The following WDR59 variants were observed in gnomAD, a reference collection of about 807,000 sequenced individuals.
WDR59 encodes the protein WD repeat domain 59, also known as GATOR2 complex protein WDR59.
WDR59 carries 100 observed loss-of-function variants against 131.2 expected under a neutral mutation model. The ratio of observed to expected loss-of-function variants is 0.76; its 90% CI spans 0.65 to 0.90. The LOEUF (loss-of-function observed/expected upper bound fraction) is 0.90. Ranked by LOEUF, WDR59 falls within the 40% of genes least tolerant of loss-of-function variation. The pLI is 0.00. For synonymous variants in WDR59, 601 were observed against 466.2 expected (o/e 1.29, Z -3.72); for missense variants, 1,203 against 1,262.2 (o/e 0.95, Z 0.71).
At position 74,942,821 on chromosome 16, in the gene WDR59, C is replaced by T; in HGVS notation, c.451G>A (p.Ala151Thr). Reference protein sequence around the residue: ...PTVALSAVAGASQVKWNKKNA... With the variant: ...PTVALSAVAGTSQVKWNKKNA... The stretch of plus-strand genomic sequence containing the variant: ...TTTTTATTCCATTTGACCTGGGAGG[C>T]ACCCGCTGCAAAGAAAAATCAGGGA... The change falls in exon 7 of 26, where the codon GCC (alanine) becomes ACC (threonine). Residue 151 changes from alanine to threonine, a missense_variant. Physicochemically the swap from Ala to Thr is moderately conservative, Grantham distance 58. Coordinates refer to ENST00000262144, the MANE Select transcript of WDR59 (RefSeq NM_030581.4). 8 of 1,613,348 alleles carry T rather than the reference C, an allele frequency of 5.0e-6. No homozygotes were observed. The highest frequency in any genetic ancestry group is 5.9e-6 in the Non-Finnish European group (7 of 1,179,716).
intron 25 of WDR59, among the ~76,000 whole-genome samples, chr16:74,882,535 C>T (rs1327178252): frequency 1.3e-5 from 2 of 152,130 alleles, no homozygotes; most frequent in African/African-American, 4.8e-5. Flanking sequence ...TAGTTCGAGA[C>T]CAGCCTGGCC....
At chr16:74,901,651 TA>T (rs200878105) in intron 18 of WDR59, among the ~76,000 whole-genome samples, 836 of 135,628 alleles carry the variant, frequency 6.2e-3, no homozygotes, top group Middle Eastern at 0.011. Context: ...CCCCATCTCT[TA>T]AAAAAAAAAA....
chr16:74,897,397 C>T (rs1309793323), intron 18 of WDR59, among the ~76,000 whole-genome samples: 1 of 152,196 alleles, frequency 6.6e-6, no homozygotes, highest in East Asian at 1.9e-4. Context: ...GGGACTCTTC[C>T]CCCATTTGCA....
chr16:74,938,814 A>C (rs2032001623), intron 7 of WDR59, among the ~76,000 whole-genome samples: 1 of 151,978 alleles, frequency 6.6e-6, no homozygotes, highest in African/African-American at 2.4e-5. Flanking sequence ...TCTGGATTAC[A>C]GGCACGATCC....
At chr16:74,911,579 C>T (rs1430530106) in intron 14 of WDR59, among the ~76,000 whole-genome samples, 1 of 152,224 alleles carries the variant, frequency 6.6e-6, no homozygotes, top group Non-Finnish European at 1.5e-5. Context: ...ATCTCTGAAT[C>T]TGCAGAATTA....
intron 8 of WDR59, among the ~76,000 whole-genome samples, chr16:74,925,582 T>C (rs892028837): frequency 6.7e-6 from 1 of 148,696 alleles, no homozygotes; most frequent in African/African-American, 2.5e-5. Flanking sequence ...AAGACCAAAT[T>C]ATAGTGATGG....
chr16:74,985,019 T>A lies in WDR59; in HGVS notation c.-2A>T. On this transcript the variant is annotated 5_prime_UTR_variant, in exon 1 of 26. Transcript: ENST00000262144. ...TTCGCTGCTCCATCGCGCCGCCATC[T>A]CCCCCGCCCGGCCGCCGCGGCCCCA... 6.4e-7 allele frequency: 1 copy of A among 1,574,034 alleles called. No individual in the cohort carries two copies. Among genetic ancestry groups the A allele is most frequent in the Non-Finnish European group, 8.6e-7 (1 of 1,159,722 alleles).
Position 74,984,970 on chromosome 16 carries a change from G to A in WDR59, c.48C>T (p.Asp16=). The change falls in exon 1 of 26, where the codon GAC becomes GAT. Residue 16 remains aspartate, a synonymous_variant. Coordinates refer to ENST00000262144, the MANE Select transcript of WDR59 (RefSeq NM_030581.4). ...SSENVVVEFR[D]SQATAMSVDC... ...CACTCGGCCTCTAGCTCACCTGGGA[G>A]TCACGGAACTCTACAACCACGTTTT... 1.2e-6 allele frequency: 2 copies of A among 1,603,904 alleles called. No homozygotes were observed. The highest frequency in any genetic ancestry group is 1.7e-6 in the Non-Finnish European group (2 of 1,175,494).
intron 25 of WDR59, among the ~76,000 whole-genome samples, chr16:74,876,311 T>C (rs1234195865): frequency 6.6e-6 from 1 of 152,242 alleles, no homozygotes; most frequent in African/African-American, 2.4e-5. Flanking sequence ...TTTTTTATAT[T>C]ATGTACAAAC....
chr16:74,961,610 C>T (rs1390691762), intron 2 of WDR59, among the ~76,000 whole-genome samples: 1 of 152,104 alleles, frequency 6.6e-6, no homozygotes, highest in Admixed American at 6.5e-5. Flanking sequence ...GGTGTCTGTT[C>T]ACGTCCTTTG....
rs1433929515 is a variant in WDR59 at position 74,873,827 on chromosome 16, G to T, written c.*382C>A. 4.9e-5 allele frequency: 9 copies of T among 185,554 alleles called. No homozygotes were observed. Among genetic ancestry groups the T allele is most frequent in the Non-Finnish European group, 1.0e-4 (9 of 89,556 alleles). The allele number at this position is 185,554 out of a possible 1,614,324, so 11.5% of individuals were successfully genotyped here. On this transcript the variant is annotated 3_prime_UTR_variant, in exon 26 of 26. Transcript: ENST00000262144. ...CACTGTCCTCGGGCATCTGACTCTG[G>T]TCTCTGCACTGGCATCAAGAGAACG...
At chr16:74,952,268 G>A (rs550241736) in intron 3 of WDR59, among the ~76,000 whole-genome samples, 9 of 151,460 alleles carry the variant, frequency 5.9e-5, no homozygotes, top group South Asian at 2.1e-4. Flanking sequence ...TAGCCAGATC[G>A]CATCTCTACA....
chr16:74,904,383 T>C (rs188849049), intron 17 of WDR59: 4 of 269,638 alleles, frequency 1.5e-5, no homozygotes, highest in East Asian at 1.8e-4. Flanking sequence ...TATAGTTCTA[T>C]CAATTAGAAA....
intron 25 of WDR59, among the ~76,000 whole-genome samples, chr16:74,879,508 A>G (rs1449006004): frequency 6.6e-6 from 1 of 152,242 alleles, no homozygotes; most frequent in Non-Finnish European, 1.5e-5. Context: ...ATCCAAGACA[A>G]TTAGAACAAG....
chr16:74,887,663 T>C lies in WDR59; in HGVS notation c.2419+20A>G. On this transcript the variant is annotated intron_variant, in intron 23 of 25. Transcript: ENST00000262144. Reference sequence around the variant, plus strand: ...GGAGAACTAAAAATCCAGCGTGGGCTAAGTCATTTCCATACAAACCTATGT... The same window carrying C: ...GGAGAACTAAAAATCCAGCGTGGGCCAAGTCATTTCCATACAAACCTATGT... The C allele has an allele frequency of 6.2e-7, 1 of 1,613,446 alleles. No homozygotes were observed. Among genetic ancestry groups the C allele is most frequent in the Non-Finnish European group, 8.5e-7 (1 of 1,179,424 alleles).
chr16:74,945,283 T>C (rs1405991483), intron 6 of WDR59, among the ~76,000 whole-genome samples: 2 of 151,712 alleles, frequency 1.3e-5, no homozygotes, highest in African/African-American at 2.4e-5. Flanking sequence ...GAGACCATCC[T>C]GGCTAACACA....
intron 1 of WDR59, among the ~76,000 whole-genome samples, chr16:74,975,782 A>C (rs553735556): frequency 6.6e-6 from 1 of 152,198 alleles, no homozygotes; most frequent in South Asian, 2.1e-4. Flanking sequence ...AAATCTTAAC[A>C]CAGTCTGGCA....
chr16:74,958,205 T>C (rs1280637996), intron 2 of WDR59, among the ~76,000 whole-genome samples: 1 of 151,834 alleles, frequency 6.6e-6, no homozygotes, highest in African/African-American at 2.4e-5. Context: ...TGCTCCACTA[T>C]AATAAGAGTA....
At chr16:74,897,919 A>G (rs1021657841) in intron 18 of WDR59, among the ~76,000 whole-genome samples, 5 of 152,182 alleles carry the variant, frequency 3.3e-5, no homozygotes, top group Non-Finnish European at 7.4e-5. Context: ...TGGGGATTCT[A>G]ATTTAACGAG....
Sources: allele counts gnomAD v4.1 joint callset (sites outside exome capture counted in the v4.1 genomes callset), GRCh38; gene constraint gnomAD v4.1.1; transcripts MANE v1.5; gene names NCBI Gene and HGNC (gene_info 2026-07-23, HGNC 2026-07-21).